Variants in AFG3L2 observed in about 807,000 individuals in gnomAD.
AFG3L2 encodes the protein AFG3 like matrix AAA peptidase subunit 2.
Under a neutral mutation model 94.5 loss-of-function variants are expected in AFG3L2, and 54 were observed. That is an observed-to-expected ratio of 0.57 (90% CI 0.46 to 0.72). The LOEUF (loss-of-function observed/expected upper bound fraction) is 0.72, where lower values mean the gene tolerates loss of function less well. Among genes scored for constraint, AFG3L2 ranks in the 30% least tolerant of loss-of-function variants. AFG3L2 has a pLI of 0.00. For synonymous variants in AFG3L2, 377 were observed against 365.5 expected, an observed-to-expected ratio of 1.03 and a Z score of -0.36; for missense variants, 754 against 994.9, an observed-to-expected ratio of 0.76 and a Z score of 3.26.
At position 12,345,390 on chromosome 18, in the gene AFG3L2, A is replaced by G. The variant is rs188893995; in HGVS notation, c.1664-1143T>C. 4.9e-3 allele frequency among the ~76,000 whole-genome samples: 746 copies of G among 152,294 alleles called. 9 individuals are homozygous for G. The highest frequency in any genetic ancestry group is 0.017 in the African/African-American group (690 of 41,572). On this transcript the variant is annotated intron_variant, in intron 13 of 16. Transcript: ENST00000269143. ...AAAACAAATCATCACACAGTGGCAAAAGTAGTTTTGCCATGTTCATGGTAA... is the reference window on the plus strand; with the variant it reads ...AAAACAAATCATCACACAGTGGCAAGAGTAGTTTTGCCATGTTCATGGTAA...
At position 12,329,029 on chromosome 18, in the gene AFG3L2, T is replaced by C; in HGVS notation, c.*536A>G. On this transcript the variant is annotated 3_prime_UTR_variant, in exon 17 of 17. Transcript: ENST00000269143. ...TAATACATTCATATTTTTAAGTATG[T>C]TACAGCTCCTGTAGAAAACCATTCC... 3.1e-6 allele frequency: 2 copies of C among 653,928 alleles called. No homozygotes were observed. The highest frequency in any genetic ancestry group is 5.5e-6 in the Non-Finnish European group (2 of 362,072). The allele number at this position is 653,928 out of a possible 1,614,324, so 40.5% of individuals were successfully genotyped here.
intron 16 of AFG3L2, among the ~76,000 whole-genome samples, chr18:12,333,349 T>C (rs909828322): frequency 2.2e-4 from 29 of 130,294 alleles, no homozygotes; most frequent in African/African-American, 7.8e-4. Flanking sequence ...ATATAATATA[T>C]AATTATATAT....
Position 12,337,330 on chromosome 18 carries a change from C to G in AFG3L2, c.2175+11G>C. The G allele has an allele frequency of 6.2e-7, 1 of 1,612,794 alleles. No homozygotes were observed. On this transcript the variant is annotated intron_variant, in intron 16 of 16. Transcript: ENST00000269143. The stretch of plus-strand genomic sequence containing the variant: ...AAACTGTAAAGAATTATTCCCACAA[C>G]TGGCACCTACCTTCTCCACGTCAGC...
At chr18:12,333,523 C>T (rs1282436132) in intron 16 of AFG3L2, among the ~76,000 whole-genome samples, 5 of 150,526 alleles carry the variant, frequency 3.3e-5, no homozygotes, top group African/African-American at 9.8e-5. Flanking sequence ...ACCACCATGC[C>T]GGGCTAATTT....
At chr18:12,348,414 C>G in intron 12 of AFG3L2, 31 bp from the exon 13 acceptor site, 1 of 1,550,454 alleles carries the variant, frequency 6.4e-7, no homozygotes, top group Non-Finnish European at 8.9e-7. Flanking sequence ...AGCTTACCCA[C>G]CGAAATACGC....
intron 3 of AFG3L2, among the ~76,000 whole-genome samples, chr18:12,370,129 C>T (rs1432377987): frequency 6.6e-6 from 1 of 151,628 alleles, no homozygotes; most frequent in African/African-American, 2.4e-5. Flanking sequence ...GTCCCCCAGC[C>T]ACCGTGCTCT....
At chr18:12,335,708 T>C (rs1907721562) in intron 16 of AFG3L2, among the ~76,000 whole-genome samples, 1 of 152,232 alleles carries the variant, frequency 6.6e-6, no homozygotes, top group African/African-American at 2.4e-5. Context: ...TTCCCCTTCC[T>C]TCAGCTCTAT....
At chr18:12,371,781 G>T (rs1908999525) in intron 1 of AFG3L2, 90 bp from the exon 2 acceptor site, 4 of 1,051,186 alleles carry the variant, frequency 3.8e-6, no homozygotes, top group Non-Finnish European at 5.7e-6. Flanking sequence ...TAGATGAAAG[G>T]TCTCTCTCTT....
rs752790105 is a variant in AFG3L2 at position 12,337,438 on chromosome 18, G to A, written c.2078C>T (p.Thr693Ile). 1 of 1,614,184 alleles carries A rather than the reference G, an allele frequency of 6.2e-7. No homozygotes were observed. The highest frequency in any genetic ancestry group is 8.5e-7 in the Non-Finnish European group (1 of 1,179,980). ...MVLEKPYSEA[T>I]ARLIDDEVRI... ...TACTTCATCATCTATCAATCTTGCA[G>A]TGGCTTCACTGTAAGGTTTCTCCAA... Residue 693 changes from threonine (T) to isoleucine (I), a missense_variant, in exon 16 of 17, where the codon ACT becomes ATT. By Grantham distance (89) the Thr-to-Ile change is moderately conservative. Transcript: ENST00000269143.
chr18:12,354,126 A>ACCCCCCC (rs1568140579), intron 9 of AFG3L2, among the ~76,000 whole-genome samples: 1 of 66,564 alleles, frequency 1.5e-5, no homozygotes, highest in Non-Finnish European at 2.6e-5. Flanking sequence ...CCACCTGCCC[A>ACCCCCCC]CTCCCACCCC....
chr18:12,350,720 AG>A (rs1908287993), intron 12 of AFG3L2, among the ~76,000 whole-genome samples: 1 of 152,186 alleles, frequency 6.6e-6, no homozygotes, highest in Admixed American at 6.5e-5. Context: ...CCAAGGCAGG[AG>A]GATCACTTAC....
intron 1 of AFG3L2, among the ~76,000 whole-genome samples, chr18:12,375,430 A>AT (rs1240264406): frequency 6.6e-6 from 1 of 151,238 alleles, no homozygotes; most frequent in Non-Finnish European, 1.5e-5. Flanking sequence ...AAAAAAAACA[A>AT]TTTGTAGAGG....
chr18:12,331,183 A>C (rs879240936), intron 16 of AFG3L2, among the ~76,000 whole-genome samples: 1 of 152,228 alleles, frequency 6.6e-6, no homozygotes, highest in Non-Finnish European at 1.5e-5. Context: ...CAGTACAGTC[A>C]CATGCGAGCA....
rs1431843434 is a variant in AFG3L2 at position 12,352,873 on chromosome 18, T to C, written c.1318+132A>G. ...AGGAGACTGAGGCAGGAGGATCGCT[T>C]GAACCCAGGGGTCAGAGGATGCAGT... is the stretch of plus-strand genomic sequence containing the variant. On this transcript the variant is annotated intron_variant, in intron 10 of 16. Coordinates refer to ENST00000269143, the MANE Select transcript of AFG3L2 (RefSeq NM_006796.3). 7 of 1,298,382 alleles carry C rather than the reference T, an allele frequency of 5.4e-6. No homozygotes were observed. The African/African-American group carries it at 8.8e-5, about 16-fold the overall frequency. The allele number at this position is 1,298,382 out of a possible 1,614,324, so 80.4% of individuals were successfully genotyped here.
chr18:12,350,289 G>A (rs1173167554), intron 12 of AFG3L2, among the ~76,000 whole-genome samples: 1 of 152,166 alleles, frequency 6.6e-6, no homozygotes, highest in African/African-American at 2.4e-5. Flanking sequence ...GGTATTACAG[G>A]TGTGAGCCAC....
chr18:12,345,482 A>G (rs1236197951), intron 13 of AFG3L2, among the ~76,000 whole-genome samples: 1 of 152,250 alleles, frequency 6.6e-6, no homozygotes, highest in Non-Finnish European at 1.5e-5. Context: ...TGTGTTCCCA[A>G]TGACACAACC....
At chr18:12,333,923 C>T (rs1234841690) in intron 16 of AFG3L2, among the ~76,000 whole-genome samples, 4 of 152,182 alleles carry the variant, frequency 2.6e-5, no homozygotes, top group African/African-American at 9.7e-5. Flanking sequence ...CTGTATGACC[C>T]TAAGCAAAGC....
rs562833216 is a variant in AFG3L2 at position 12,337,293 on chromosome 18, C to CT, written c.2175+47dup. 4.1e-4 allele frequency: 636 copies of CT among 1,552,766 alleles called. 5 individuals carry two copies. The South Asian group carries it at 4.7e-3, about 11-fold the overall frequency. ...AAAACAGTCTATCTATCACTTCAAT[C>CT]TTTTTTTTGCAAAACTGTAAAGAAT... On this transcript the variant is annotated intron_variant, in intron 16 of 16. Coordinates refer to ENST00000269143, the MANE Select transcript of AFG3L2 (RefSeq NM_006796.3).
intron 1 of AFG3L2, among the ~76,000 whole-genome samples, chr18:12,376,087 C>G (rs1909146248): frequency 6.6e-6 from 1 of 152,240 alleles, no homozygotes; most frequent in Non-Finnish European, 1.5e-5. Context: ...CTCGGCCTCC[C>G]TAAGTGCTGG....
Sources: allele counts gnomAD v4.1 joint callset (sites outside exome capture counted in the v4.1 genomes callset), GRCh38; gene constraint gnomAD v4.1.1; transcripts MANE v1.5; gene names NCBI Gene and HGNC (gene_info 2026-07-23, HGNC 2026-07-21).